B4GALT6: variants seen among roughly 807,000 people sequenced by gnomAD.
B4GALT6 encodes UDP-Gal:beta-GlcNAc beta-1,4-galactosyltransferase 6.
A neutral mutation model predicts 46.3 loss-of-function variants in B4GALT6; 14 were observed. That is an observed-to-expected ratio of 0.30 (90% CI 0.20 to 0.47). B4GALT6 has a LOEUF of 0.47. Among genes scored for constraint, B4GALT6 ranks in the 20% least tolerant of loss-of-function variants. B4GALT6 has a pLI of 0.99. For synonymous variants in B4GALT6, 168 were observed against 162.0 expected (o/e 1.04, Z -0.28); for missense variants, 386 against 480.1 (o/e 0.80, Z 1.83).
At chr18:31,652,429 G>C (rs2074083280) in intron 3 of B4GALT6, among the ~76,000 whole-genome samples, 1 of 151,958 alleles carries the variant, frequency 6.6e-6, no homozygotes, top group African/African-American at 2.4e-5. Flanking sequence ...TCGCCCCCCA[G>C]ACACCACCCT....
rs536068413 is a variant in B4GALT6 at position 31,622,653 on chromosome 18, G to T, written c.*2961C>A. 6.6e-6 allele frequency: 1 copy of T among 151,972 alleles called. No homozygotes were observed. Among genetic ancestry groups the T allele is most frequent in the Non-Finnish European group, 1.5e-5 (1 of 67,842 alleles). The allele number at this position is 151,972 out of a possible 1,614,324, so 9.4% of individuals were successfully genotyped here. ...AATATCAGTATCTTGGCTGGCAAAA[G>T]GGTATATAAGGAAATTTTTAATACA... On this transcript the variant is annotated 3_prime_UTR_variant, in exon 9 of 9. Transcript: ENST00000306851.
the B4GALT6 span, among the ~76,000 whole-genome samples, chr18:31,704,589 A>G: frequency 1.1e-4 from 17 of 152,308 alleles, no homozygotes; most frequent in African/African-American, 4.1e-4. Context: ...ATCTCTGACA[A>G]ACACTCAGGT....
chr18:31,662,360 T>A (rs978972572), intron 2 of B4GALT6, among the ~76,000 whole-genome samples: 1 of 152,204 alleles, frequency 6.6e-6, no homozygotes, highest in African/African-American at 2.4e-5. Flanking sequence ...ATGTATTATG[T>A]GTATATAGTC....
the B4GALT6 span, among the ~76,000 whole-genome samples, chr18:31,700,023 G>T: frequency 1.3e-5 from 2 of 152,218 alleles, no homozygotes; most frequent in Middle Eastern, 3.4e-3. Flanking sequence ...TCAAAAACAG[G>T]CAAAACTAAT....
the B4GALT6 span, chr18:31,718,772 T>C: frequency 6.6e-6 from 1 of 152,198 alleles, no homozygotes; most frequent in African/African-American, 2.4e-5. Context: ...AACCTCCTTA[T>C]GGGCCCTCAT....
chr18:31,682,885 CTTG>C (rs1053360641), intron 1 of B4GALT6, among the ~76,000 whole-genome samples: 66 of 152,236 alleles, frequency 4.3e-4, no homozygotes, highest in African/African-American at 1.5e-3. Flanking sequence ...AAAGAAAGCT[CTTG>C]TTGAGTATCT....
rs369328479 is a variant in B4GALT6 at position 31,651,832 on chromosome 18, G to A, written c.346+6144C>T. 2.2e-4 allele frequency among the ~76,000 whole-genome samples: 33 copies of A among 152,050 alleles called. 1 individual carries two copies. Among genetic ancestry groups the A allele is most frequent in the East Asian group, 1.2e-3 (6 of 5,164 alleles). On this transcript the variant is annotated intron_variant, in intron 3 of 8. Coordinates refer to ENST00000306851, the MANE Select transcript of B4GALT6 (RefSeq NM_004775.5). The stretch of plus-strand genomic sequence containing the variant: ...GTTTCCCAGGCTGAAGTGCAGTGGC[G>A]AGATCTCAGCTCACTGCCAGCTCCA...
chr18:31,652,029 C>G (rs1490565507), intron 3 of B4GALT6, among the ~76,000 whole-genome samples: 1 of 152,152 alleles, frequency 6.6e-6, no homozygotes, highest in Admixed American at 6.5e-5. Flanking sequence ...CTCGGCCTCT[C>G]AAAGTGCTGG....
chr18:31,679,948 GC>G (rs1296459053), intron 1 of B4GALT6, among the ~76,000 whole-genome samples: 2 of 152,216 alleles, frequency 1.3e-5, no homozygotes, highest in East Asian at 3.9e-4. Flanking sequence ...ATTGGCCATT[GC>G]CCCCTATAAC....
At chr18:31,641,966 C>G (rs561384879) in intron 4 of B4GALT6, among the ~76,000 whole-genome samples, 33 of 152,206 alleles carry the variant, frequency 2.2e-4, no homozygotes, top group Non-Finnish European at 2.8e-4. Flanking sequence ...GCTTGGTAAC[C>G]TTAAGGTGAA....
At chr18:31,632,670 T>G (rs2073806372) in intron 5 of B4GALT6, among the ~76,000 whole-genome samples, 1 of 152,192 alleles carries the variant, frequency 6.6e-6, no homozygotes, top group African/African-American at 2.4e-5. Flanking sequence ...TTATCATAAT[T>G]TTTGGTTAAA....
At chr18:31,712,495 G>A in the B4GALT6 span, among the ~76,000 whole-genome samples, 1 of 151,756 alleles carries the variant, frequency 6.6e-6, no homozygotes, top group Non-Finnish European at 1.5e-5. Context: ...TAGAGAGGGG[G>A]TTTCACTTTG....
chr18:31,686,519 C>T (rs184005455), upstream of B4GALT6: 1 of 152,300 alleles, frequency 6.6e-6, no homozygotes, highest in African/African-American at 2.4e-5. Flanking sequence ...CCTTATATCC[C>T]ATTAGTTCAC....
At chr18:31,662,631 G>A (rs2074232472) in intron 2 of B4GALT6, among the ~76,000 whole-genome samples, 1 of 152,198 alleles carries the variant, frequency 6.6e-6, no homozygotes, top group Admixed American at 6.5e-5. Flanking sequence ...CACAAGGTCA[G>A]GAGATCAAGA....
intron 2 of B4GALT6, among the ~76,000 whole-genome samples, chr18:31,660,711 T>A (rs1449085): frequency 0.65 from 98,061 of 151,324 alleles, 31,837 homozygotes; most frequent in South Asian, 0.77. Context: ...ATAATAGGAG[T>A]TCCAAAAAGA....
the B4GALT6 span, among the ~76,000 whole-genome samples, chr18:31,702,491 C>T: frequency 2.0e-5 from 3 of 152,212 alleles, no homozygotes; most frequent in African/African-American, 4.8e-5. Context: ...GACAGCTAAG[C>T]TCCAGAAAAT....
At chr18:31,656,587 A>G (rs1355781000) in intron 3 of B4GALT6, among the ~76,000 whole-genome samples, 5 of 152,114 alleles carry the variant, frequency 3.3e-5, no homozygotes, top group Admixed American at 3.3e-4. Context: ...GGTTAAAAAC[A>G]AAATAGTAAA....
At chr18:31,689,375 T>TA (rs2144774869), upstream of B4GALT6, among the ~76,000 whole-genome samples, 1 of 152,226 alleles carries the variant, frequency 6.6e-6, no homozygotes, top group South Asian at 2.1e-4. Context: ...GAAAGATTGA[T>TA]AGAGTCCAGT....
chr18:31,704,040 A>C, the B4GALT6 span, among the ~76,000 whole-genome samples: 62 of 152,170 alleles, frequency 4.1e-4, no homozygotes, highest in Non-Finnish European at 7.1e-4. Context: ...TAATGACAAC[A>C]GCAAAAACTT....
Sources: allele counts gnomAD v4.1 joint callset (sites outside exome capture counted in the v4.1 genomes callset), GRCh38; gene constraint gnomAD v4.1.1; transcripts MANE v1.5; gene names NCBI Gene and HGNC (gene_info 2026-07-23, HGNC 2026-07-21).